Variants in CNTN4 observed in about 807,000 individuals in gnomAD.
CNTN4 encodes the protein contactin-4.
Under a neutral mutation model 122.5 loss-of-function variants are expected in CNTN4, and 77 were observed. The ratio of observed to expected loss-of-function variants is 0.63; its 90% CI spans 0.52 to 0.76. CNTN4 has a LOEUF of 0.76. CNTN4 is among the 30% of genes least tolerant of loss of function. The pLI is 0.00. For synonymous variants in CNTN4, 512 were observed against 447.0 expected, an observed-to-expected ratio of 1.15 and a Z score of -1.83; for missense variants, 1,256 against 1,259.1, an observed-to-expected ratio of 1.00 and a Z score of 0.04.
chr3:2,476,803 T>TAA (rs1238677094), intron 3 of CNTN4, among the ~76,000 whole-genome samples: 1 of 152,232 alleles, frequency 6.6e-6, no homozygotes, highest in East Asian at 1.9e-4. Context: ...TGAATTTTTA[T>TAA]ACTCTGTAAA....
intron 3 of CNTN4, among the ~76,000 whole-genome samples, chr3:2,454,021 A>G (rs111633272): frequency 1.4e-3 from 206 of 143,106 alleles, no homozygotes; most frequent in Middle Eastern, 7.8e-3. Context: ...TCAGAATTCT[A>G]TAGCATTCTG....
intron 21 of CNTN4, 44 bp downstream of exon 21, chr3:3,042,466 C>A (rs747144708): frequency 4.8e-6 from 6 of 1,249,538 alleles, no homozygotes; most frequent in Non-Finnish European, 7.1e-6. Context: ...AGAGTCTATG[C>A]CCCTTGATAA....
intron 4 of CNTN4, 22 bp downstream of exon 4, chr3:2,571,580 T>G: frequency 1.3e-6 from 2 of 1,590,040 alleles, no homozygotes; most frequent in Non-Finnish European, 1.7e-6. Context: ...TTTTAAAACT[T>G]TTTGATTTAG....
At chr3:2,923,946 G>A (rs1404963644) in intron 12 of CNTN4, among the ~76,000 whole-genome samples, 1 of 151,940 alleles carries the variant, frequency 6.6e-6, no homozygotes, top group African/African-American at 2.4e-5. Context: ...TCTCATTAAA[G>A]CAAAAACATC....
At chr3:3,004,633 A>G (rs978867736) in intron 14 of CNTN4, among the ~76,000 whole-genome samples, 2 of 152,262 alleles carry the variant, frequency 1.3e-5, no homozygotes, top group Non-Finnish European at 2.9e-5. Flanking sequence ...TTTATATAAT[A>G]GTACCTATTT....
chr3:2,845,012 C>A (rs2150565182), intron 7 of CNTN4, among the ~76,000 whole-genome samples: 1 of 152,136 alleles, frequency 6.6e-6, no homozygotes, highest in South Asian at 2.1e-4. Context: ...CCAGTTTATG[C>A]CAGTTTCACT....
At chr3:2,692,476 C>A (rs184586759) in intron 4 of CNTN4, among the ~76,000 whole-genome samples, 1 of 152,050 alleles carries the variant, frequency 6.6e-6, no homozygotes, top group Non-Finnish European at 1.5e-5. Context: ...TTTTGGAACA[C>A]GTGGGATCTT....
At chr3:2,252,415 T>C (rs144882641) in intron 2 of CNTN4, among the ~76,000 whole-genome samples, 128 of 152,160 alleles carry the variant, frequency 8.4e-4, no homozygotes, top group African/African-American at 2.9e-3. Flanking sequence ...TTTCCAAAAA[T>C]CTGAATTTAC....
rs149421337 is a variant in CNTN4, at chr3:2,186,418, T to C, written c.-145+85779T>C. Reference sequence around the variant, plus strand: ...GTGTGCATGTGTGTTTATAGCAGCATGATTTATATTCCTTTGAGTATATAC... The same window carrying C: ...GTGTGCATGTGTGTTTATAGCAGCACGATTTATATTCCTTTGAGTATATAC... On this transcript the variant is annotated intron_variant, in intron 2 of 24. Transcript: ENST00000418658. Among the ~76,000 whole-genome samples the C allele has an allele frequency of 1.5e-3, 224 of 152,322 alleles. 2 individuals are homozygous for C. The highest frequency in any genetic ancestry group is 7.1e-4 in the Non-Finnish European group (48 of 68,036).
At chr3:3,024,888 A>G (rs1281941956) in intron 14 of CNTN4, among the ~76,000 whole-genome samples, 1 of 152,198 alleles carries the variant, frequency 6.6e-6, no homozygotes, top group Non-Finnish European at 1.5e-5. Flanking sequence ...TATGTACCTC[A>G]CAGCCTGAAA....
chr3:2,381,448 C>T (rs1224537727), intron 3 of CNTN4, among the ~76,000 whole-genome samples: 1 of 152,190 alleles, frequency 6.6e-6, no homozygotes, highest in African/African-American at 2.4e-5. Flanking sequence ...GCACTTAGGT[C>T]TCTTACTTAG....
chr3:2,640,315 C>T (rs549187869), intron 4 of CNTN4, among the ~76,000 whole-genome samples: 11 of 152,234 alleles, frequency 7.2e-5, no homozygotes, highest in Admixed American at 5.2e-4. Flanking sequence ...AACACTGTAG[C>T]ACTTTTTATA....
Position 2,994,594 on chromosome 3 carries a change from C to CATATATATATAT in CNTN4, c.1486+6131_1486+6142dup, listed in dbSNP as rs35069373. Among the ~76,000 whole-genome samples the CATATATATATAT allele has an allele frequency of 2.8e-3, 412 of 144,632 alleles. 1 individual carries two copies. Among genetic ancestry groups the CATATATATATAT allele is most frequent in the Admixed American group, 5.0e-3 (72 of 14,446 alleles). The allele number at this position is 144,632 out of a possible 152,430, so 94.9% of individuals were successfully genotyped here. On this transcript the variant is annotated intron_variant, in intron 14 of 24. Coordinates refer to ENST00000418658, the MANE Select transcript of CNTN4 (RefSeq NM_175607.3). Reference sequence around the variant, plus strand: ...TTATGTTTAAATCAACAGATTTTTTCATATATATATATATATATATGTGTG... The same window carrying CATATATATATAT: ...TTATGTTTAAATCAACAGATTTTTTCATATATATATATATATATATATATATATATATGTGTG...
chr3:2,849,371 G>A (rs934996368), intron 7 of CNTN4, among the ~76,000 whole-genome samples: 3 of 152,156 alleles, frequency 2.0e-5, no homozygotes, highest in Non-Finnish European at 2.9e-5. Context: ...TGGATGTAGT[G>A]GCACTGAACT....
intron 3 of CNTN4, among the ~76,000 whole-genome samples, chr3:2,424,698 C>T (rs1236690843): frequency 6.6e-6 from 1 of 152,156 alleles, no homozygotes; most frequent in Non-Finnish European, 1.5e-5. Context: ...TAAAAGTGTT[C>T]CTATTTCTCC....
At chr3:2,627,728 T>C (rs62232710) in intron 4 of CNTN4, among the ~76,000 whole-genome samples, 10,264 of 151,910 alleles carry the variant, frequency 0.068, 378 homozygotes, top group Middle Eastern at 0.11. Context: ...CTCCTGACCT[T>C]GTGATCTGCC....
At chr3:2,740,177 C>A (rs998092712) in intron 5 of CNTN4, among the ~76,000 whole-genome samples, 2 of 152,102 alleles carry the variant, frequency 1.3e-5, no homozygotes, top group African/African-American at 4.8e-5. Flanking sequence ...GGCAACATAG[C>A]AAGACCCCCA....
intron 2 of CNTN4, among the ~76,000 whole-genome samples, chr3:2,169,644 G>T (rs539838333): frequency 1.2e-4 from 18 of 151,974 alleles, no homozygotes; most frequent in Non-Finnish European, 1.8e-4. Flanking sequence ...TGATCCACCC[G>T]CCTCCGCCTC....
At chr3:2,185,561 A>G (rs145330232) in intron 2 of CNTN4, among the ~76,000 whole-genome samples, 68 of 152,162 alleles carry the variant, frequency 4.5e-4, no homozygotes, top group African/African-American at 1.4e-3. Context: ...AGTGTATGCT[A>G]TGGGGATGAG....
Sources: allele counts gnomAD v4.1 joint callset (sites outside exome capture counted in the v4.1 genomes callset), GRCh38; gene constraint gnomAD v4.1.1; transcripts MANE v1.5; gene names NCBI Gene and HGNC (gene_info 2026-07-23, HGNC 2026-07-21).